Variants in INPP5K observed in about 807,000 individuals in gnomAD.
INPP5K encodes the protein inositol polyphosphate 5-phosphatase K.
In INPP5K, 35 loss-of-function variants were observed where a neutral mutation model predicts 53.5. That is an observed-to-expected ratio of 0.65 (90% CI 0.50 to 0.87). The LOEUF (loss-of-function observed/expected upper bound fraction) is 0.87. Ranked by LOEUF, INPP5K falls within the 40% of genes least tolerant of loss-of-function variation. INPP5K has a pLI of 0.00. For synonymous variants in INPP5K, 253 were observed against 232.8 expected, an observed-to-expected ratio of 1.09 and a Z score of -0.79; for missense variants, 550 against 586.2, an observed-to-expected ratio of 0.94 and a Z score of 0.64.
Position 1,513,867 on chromosome 17 carries a change from C to A in INPP5K, c.152+5G>T, listed in dbSNP as rs1465508112. 1.2e-6 allele frequency: 2 copies of A among 1,604,594 alleles called. No individual in the cohort carries two copies. The highest frequency in any genetic ancestry group is 1.7e-6 in the Non-Finnish European group (2 of 1,172,258). On this transcript the variant is annotated splice_donor_5th_base_variant and intron_variant, in intron 2 of 11. Transcript: ENST00000421807. The stretch of plus-strand genomic sequence containing the variant: ...GGATGGGCGAAGGAGCCTGCAGATA[C>A]CTACCCAATAACATATATGTCAAGA...
chr17:1,513,726 G>T, intron 2 of INPP5K, 146 bp downstream of exon 2: 1 of 865,484 alleles, frequency 1.2e-6, no homozygotes, highest in Non-Finnish European at 1.8e-6. Context: ...TTGCTGACCC[G>T]GGACCAGAGA....
Position 1,509,353 on chromosome 17 carries a change from C to T in INPP5K, c.379G>A (p.Gly127Arg). ...STPTGLFGYW[G>R]NKGGVNICLK... ...CAGATGTTGACTCCACCTTTGTTCC[C>T]CTGGTAGAACAGGTCAACAGAAGAG... Residue 127 changes from glycine to arginine, a missense_variant and splice_region_variant, in exon 5 of 12, where the codon GGG (glycine) becomes AGG (arginine). Gly to Arg is a moderately radical substitution (Grantham distance 125). Coordinates refer to ENST00000421807, the MANE Select transcript of INPP5K (RefSeq NM_016532.4). 1 of 1,611,828 alleles carries T rather than the reference C, an allele frequency of 6.2e-7. No individual in the cohort carries two copies. Among genetic ancestry groups the T allele is most frequent in the Non-Finnish European group, 8.5e-7 (1 of 1,178,406 alleles).
chr17:1,504,409 T>C (rs986961094), intron 7 of INPP5K, among the ~76,000 whole-genome samples: 2 of 152,196 alleles, frequency 1.3e-5, no homozygotes, highest in Non-Finnish European at 2.9e-5. Context: ...GAATATCTGT[T>C]CCCCAGGTGG....
At chr17:1,502,997 C>T (rs188971503) in intron 7 of INPP5K, among the ~76,000 whole-genome samples, 4 of 152,172 alleles carry the variant, frequency 2.6e-5, no homozygotes, top group African/African-American at 7.2e-5. Context: ...TCAAGCAAGG[C>T]TCCCACCCCA....
intron 7 of INPP5K, among the ~76,000 whole-genome samples, chr17:1,500,390 A>G (rs1192342723): frequency 2.1e-5 from 3 of 142,950 alleles, no homozygotes; most frequent in Non-Finnish European, 4.6e-5. Context: ...TTTGAGACGG[A>G]GTCTCGCTCT....
intron 7 of INPP5K, 82 bp from the exon 8 acceptor site, chr17:1,498,204 T>C: frequency 3.2e-6 from 4 of 1,246,782 alleles, no homozygotes; most frequent in Non-Finnish European, 4.4e-6. Context: ...CCACATGAGC[T>C]TGCTGGAGCC....
In INPP5K at chr17:1,513,849, C is replaced by A. The variant is rs201178089; in HGVS notation, c.152+23G>T. On this transcript the variant is annotated intron_variant, in intron 2 of 11. Transcript: ENST00000421807. ...AAACCTGGGACTGGTCAGGGATGGGCGAAGGAGCCTGCAGATACCTACCCA... is the reference window on the plus strand; with the variant it reads ...AAACCTGGGACTGGTCAGGGATGGGAGAAGGAGCCTGCAGATACCTACCCA... 1.5e-4 allele frequency: 227 copies of A among 1,556,148 alleles called. 2 individuals carry two copies. In the African/African-American group the frequency reaches 2.8e-3, roughly 19 times the overall value.
chr17:1,498,171 G>T, intron 7 of INPP5K, 49 bp from the exon 8 acceptor site: 3 of 1,506,368 alleles, frequency 2.0e-6, no homozygotes, highest in Non-Finnish European at 2.7e-6. Context: ...AGAAGAAAGG[G>T]TTGGCTAAGA....
At position 1,494,804 on chromosome 17, in the gene INPP5K, A is replaced by C. The variant is rs1050124329; in HGVS notation, c.*1019T>G. The stretch of plus-strand genomic sequence containing the variant: ...CTGGGAAAAGGGCTGCCGAGTGACC[A>C]TGGCGGAGGCAAGTGCTGGATGTGG... On this transcript the variant is annotated 3_prime_UTR_variant, in exon 12 of 12. Coordinates refer to ENST00000421807, the MANE Select transcript of INPP5K (RefSeq NM_016532.4). 6.6e-5 allele frequency: 10 copies of C among 152,330 alleles called. No individual in the cohort carries two copies. Among genetic ancestry groups the C allele is most frequent in the African/African-American group, 2.4e-4 (10 of 41,458 alleles). 9.4% of individuals were successfully genotyped at this position (152,330 alleles called of 1,614,324 possible). A position where few individuals can be genotyped will look rare whatever the true frequency, so the allele number is the denominator to read the frequency against.
At chr17:1,501,416 G>A (rs1018163399) in intron 7 of INPP5K, among the ~76,000 whole-genome samples, 1 of 152,216 alleles carries the variant, frequency 6.6e-6, no homozygotes, top group South Asian at 2.1e-4. Flanking sequence ...CCTGTTAATT[G>A]AGAGCTGTAT....
intron 7 of INPP5K, among the ~76,000 whole-genome samples, chr17:1,504,804 G>A (rs2075115665): frequency 6.6e-6 from 1 of 152,206 alleles, no homozygotes; most frequent in Non-Finnish European, 1.5e-5. Context: ...CTTAGCGGGA[G>A]TCTGCCTTCC....
intron 3 of INPP5K, 130 bp downstream of exon 3, chr17:1,513,323 G>A: frequency 1.2e-6 from 1 of 815,716 alleles, no homozygotes; most frequent in Non-Finnish European, 2.1e-6. Flanking sequence ...GGGAGGTTTA[G>A]CCCTTTAAAC....
chr17:1,515,152 G>A (rs1018989494), intron 1 of INPP5K, among the ~76,000 whole-genome samples: 70 of 152,028 alleles, frequency 4.6e-4, no homozygotes, highest in African/African-American at 1.5e-3. Context: ...CAGGTGATCC[G>A]CCCGCCTCAG....
chr17:1,514,512 C>T (rs1156820668), intron 1 of INPP5K, among the ~76,000 whole-genome samples: 1 of 152,188 alleles, frequency 6.6e-6, no homozygotes, highest in African/African-American at 2.4e-5. Context: ...GTCCTCCATG[C>T]TGGCTCACAG....
At chr17:1,502,116 A>C (rs187230232) in intron 7 of INPP5K, among the ~76,000 whole-genome samples, 1 of 150,812 alleles carries the variant, frequency 6.6e-6, no homozygotes, top group South Asian at 2.1e-4. Context: ...TTGGGAGGCC[A>C]AGGCGGGCAG....
At chr17:1,510,217 C>A (rs990219213) in intron 3 of INPP5K, among the ~76,000 whole-genome samples, 15 of 152,246 alleles carry the variant, frequency 9.9e-5, no homozygotes, top group Admixed American at 4.6e-4. Context: ...TTTTTGGTTT[C>A]AGCATTCTTT....
intron 7 of INPP5K, among the ~76,000 whole-genome samples, chr17:1,501,816 A>C (rs1366681796): frequency 6.6e-6 from 1 of 151,464 alleles, no homozygotes. Context: ...CAGGAGTTCA[A>C]GACCAGCCTG....
At position 1,498,018 on chromosome 17, in the gene INPP5K, G is replaced by A. The variant is rs759025302; in HGVS notation, c.881C>T (p.Ser294Phe). The A allele has an allele frequency of 9.3e-6, 15 of 1,614,072 alleles. No individual in the cohort carries two copies. The highest frequency in any genetic ancestry group is 1.3e-5 in the Non-Finnish European group (15 of 1,180,036). ...GCTGCTGTAGCCCCTCAGAGACAAG[G>A]AGAAGTGTGACGCCGGCGGTATGGG... ...DTPIPPASHF[S>F]LSLRGYSSHM... Residue 294 changes from serine to phenylalanine, a missense_variant, in exon 8 of 12, where the codon TCC (serine) becomes TTC (phenylalanine). By Grantham distance (155) the Ser-to-Phe change is radical. Coordinates refer to ENST00000421807, the MANE Select transcript of INPP5K (RefSeq NM_016532.4).
At chr17:1,516,062 C>T (rs2075427146) in intron 1 of INPP5K, 1 of 1,087,788 alleles carries the variant, frequency 9.2e-7, no homozygotes, top group African/African-American at 1.7e-5. Context: ...TTATCTCAAT[C>T]TGATTTCGGA....
Sources: gnomAD v4.1 joint callset for allele counts (sites outside exome capture counted in the v4.1 genomes callset) on GRCh38, gnomAD v4.1.1 for gene constraint, MANE v1.5 for transcripts, NCBI Gene and HGNC (gene_info 2026-07-23, HGNC 2026-07-21) for gene names.